Variants in MCCC2 observed in about 807,000 individuals in gnomAD.
MCCC2 encodes methylcrotonoyl-CoA carboxylase beta chain, mitochondrial.
A neutral mutation model predicts 77.2 loss-of-function variants in MCCC2; 52 were observed. That is an observed-to-expected ratio of 0.67 (90% CI 0.54 to 0.85). The LOEUF (loss-of-function observed/expected upper bound fraction) is 0.85. Ranked by LOEUF, MCCC2 falls within the 40% of genes least tolerant of loss-of-function variation. MCCC2 has a pLI of 0.00. For missense variants in MCCC2, 682 were observed against 703.2 expected, an observed-to-expected ratio of 0.97 and a Z score of 0.34; for synonymous variants, 253 against 248.4, an observed-to-expected ratio of 1.02 and a Z score of -0.18.
In MCCC2 at chr5:71,643,865, C is replaced by T. The variant is rs766440020; in HGVS notation, c.1119C>T (p.Asn373=). ...ACCCAGTAGGTATCGTTGGAAACAA[C>T]GGAGTTCTCTTTTCTGAATCTGCAA... The part of the protein sequence containing the change: ...FGYPVGIVGN[N]GVLFSESAKK... The change falls in exon 12 of 17, where the codon AAC becomes AAT. Residue 373 remains asparagine (N), a synonymous_variant. Coordinates refer to ENST00000340941, the MANE Select transcript of MCCC2 (RefSeq NM_022132.5). 29 of 1,614,034 alleles carry T rather than the reference C, an allele frequency of 1.8e-5. No individual in the cohort carries two copies. The highest frequency in any genetic ancestry group is 1.3e-4 in the East Asian group (6 of 44,850).
intron 6 of MCCC2, among the ~76,000 whole-genome samples, chr5:71,606,158 C>A (rs1218784529): frequency 6.6e-6 from 1 of 151,500 alleles, no homozygotes; most frequent in African/African-American, 2.4e-5. Context: ...CTGTAAATTA[C>A]CTTGGGCAGT....
chr5:71,616,308 T>G (rs1235242021), intron 6 of MCCC2, among the ~76,000 whole-genome samples: 2 of 152,216 alleles, frequency 1.3e-5, no homozygotes, highest in Non-Finnish European at 2.9e-5. Flanking sequence ...CAGCCCTGAT[T>G]TACAGTCAAT....
At chr5:71,619,148 C>T (rs1746282439) in intron 6 of MCCC2, among the ~76,000 whole-genome samples, 1 of 152,196 alleles carries the variant, frequency 6.6e-6, no homozygotes, top group South Asian at 2.1e-4. Context: ...CTCCTCCCCG[C>T]TTGCCTTAGC....
intron 7 of MCCC2, among the ~76,000 whole-genome samples, chr5:71,628,060 T>C (rs912199081): frequency 6.6e-6 from 1 of 152,068 alleles, no homozygotes; most frequent in African/African-American, 2.4e-5. Context: ...GCCAGGCTGG[T>C]TTTGAACTCC....
rs571108682 is a variant in MCCC2, at chr5:71,641,152, G to C, written c.1072+77G>C. 9.9e-6 allele frequency: 13 copies of C among 1,310,028 alleles called. No individual in the cohort carries two copies. The African/African-American group carries it at 1.9e-4, about 19-fold the overall frequency. 81.2% of individuals were successfully genotyped at this position (1,310,028 alleles called of 1,614,324 possible). On this transcript the variant is annotated intron_variant, in intron 11 of 16. Coordinates refer to ENST00000340941, the MANE Select transcript of MCCC2 (RefSeq NM_022132.5). Reference sequence around the variant, plus strand: ...CAGGAATCTCTTGTTTCAAGACTTTGATACACTTGACATGGGCTTTGTTGT... The same window carrying C: ...CAGGAATCTCTTGTTTCAAGACTTTCATACACTTGACATGGGCTTTGTTGT...
chr5:71,612,988 G>T (rs1746019459), intron 6 of MCCC2, among the ~76,000 whole-genome samples: 1 of 152,176 alleles, frequency 6.6e-6, no homozygotes, highest in Non-Finnish European at 1.5e-5. Flanking sequence ...GCCTCTTCCA[G>T]CTCCTGGTGG....
intron 8 of MCCC2, among the ~76,000 whole-genome samples, 160 bp downstream of exon 8, chr5:71,632,345 T>C (rs1746748898): frequency 6.6e-6 from 1 of 152,194 alleles, no homozygotes; most frequent in Non-Finnish European, 1.5e-5. Flanking sequence ...CTTTGAACTG[T>C]AGAGTTGCAT....
chr5:71,609,277 T>A (rs535261079), intron 6 of MCCC2, among the ~76,000 whole-genome samples: 3 of 150,592 alleles, frequency 2.0e-5, no homozygotes, highest in Non-Finnish European at 4.5e-5. Context: ...CTTTTTATTC[T>A]TTTTTCTCTA....
chr5:71,622,378 G>T (rs1250023970), intron 6 of MCCC2, among the ~76,000 whole-genome samples: 1 of 151,812 alleles, frequency 6.6e-6, no homozygotes, highest in East Asian at 1.9e-4. Context: ...ATACTTGTTT[G>T]AGAATTTTGA....
At chr5:71,644,068 T>C (rs541240099) in intron 12 of MCCC2, among the ~76,000 whole-genome samples, 173 bp downstream of exon 12, 3 of 135,448 alleles carry the variant, frequency 2.2e-5, no homozygotes, top group African/African-American at 1.1e-4. Context: ...TGTGTGTGTG[T>C]GTGCGCGCGT....
chr5:71,653,610 G>A (rs1361074668), intron 16 of MCCC2, among the ~76,000 whole-genome samples: 1 of 152,146 alleles, frequency 6.6e-6, no homozygotes, highest in Non-Finnish European at 1.5e-5. Flanking sequence ...AGCATTTTGA[G>A]AGGCCAGGGC....
At chr5:71,632,061 G>T (rs1746735174) in intron 7 of MCCC2, 60 bp from the exon 8 acceptor site, 1 of 1,449,944 alleles carries the variant, frequency 6.9e-7, no homozygotes, top group Non-Finnish European at 9.7e-7. Flanking sequence ...TGCATGTTGG[G>T]GAAGCATTTT....
chr5:71,649,771 T>C (rs1057508377), intron 14 of MCCC2, among the ~76,000 whole-genome samples: 3 of 152,168 alleles, frequency 2.0e-5, no homozygotes, highest in African/African-American at 7.2e-5. Flanking sequence ...AGACAGCACA[T>C]ATAACCACTA....
chr5:71,635,112 A>G lies in MCCC2; in HGVS notation c.904-39A>G, dbSNP rs1429170915. On this transcript the variant is annotated intron_variant, in intron 9 of 16. Coordinates refer to ENST00000340941, the MANE Select transcript of MCCC2 (RefSeq NM_022132.5). ...TTTTGACTCACTGCACCTTGAAATC[A>G]TGTCTTTAAACAGGTTAACATGATC... is the stretch of plus-strand genomic sequence containing the variant. The G allele has an allele frequency of 5.0e-6, 8 of 1,613,280 alleles. No individual in the cohort carries two copies. In the Admixed American group the frequency reaches 1.0e-4, roughly 20 times the overall value.
chr5:71,637,987 C>T (rs946721118), intron 10 of MCCC2, among the ~76,000 whole-genome samples: 3 of 152,184 alleles, frequency 2.0e-5, no homozygotes, highest in African/African-American at 4.8e-5. Flanking sequence ...GCTGGGATTA[C>T]AGGCATCACC....
Position 71,626,747 on chromosome 5 carries a change from C to A in MCCC2, c.732C>A (p.Pro244=). The A allele has an allele frequency of 6.2e-7, 1 of 1,613,654 alleles. No individual in the cohort carries two copies. Among genetic ancestry groups the A allele is most frequent in the Non-Finnish European group, 8.5e-7 (1 of 1,179,774 alleles). Residue 244 remains proline (P), a synonymous_variant, in exon 7 of 17, where the codon CCC becomes CCA. Coordinates refer to ENST00000340941, the MANE Select transcript of MCCC2 (RefSeq NM_022132.5). ...AGGGTACCATTTTCTTGGCAGGACCCCCCTTGGTAAGAACATAAGAACGTT... is the reference window on the plus strand; with the variant it reads ...AGGGTACCATTTTCTTGGCAGGACCACCCTTGGTAAGAACATAAGAACGTT... ...RKQGTIFLAG[P]PLVKAATGEE...
chr5:71,649,230 T>C lies in MCCC2; in HGVS notation c.1350T>C (p.Tyr450=). 6.2e-7 allele frequency: 1 copy of C among 1,614,146 alleles called. No individual in the cohort carries two copies. The highest frequency in any genetic ancestry group is 8.5e-7 in the Non-Finnish European group (1 of 1,179,996). The change falls in exon 14 of 17, where the codon TAT becomes TAC. Residue 450 remains tyrosine (Y), a synonymous_variant. Transcript: ENST00000340941. ...GGGGCTCCTATGGAGCCGGAAACTA[T>C]GGGATGTGTGGCAGAGCATATAGGT... ...IIGGSYGAGN[Y]GMCGRAYSPR...
At chr5:71,631,676 G>A (rs13163829) in intron 7 of MCCC2, among the ~76,000 whole-genome samples, 3 of 151,958 alleles carry the variant, frequency 2.0e-5, no homozygotes, top group Non-Finnish European at 2.9e-5. Context: ...GAGTAGCTGG[G>A]ACTACAGGCG....
intron 10 of MCCC2, 25 bp downstream of exon 10, chr5:71,635,271 T>A: frequency 6.3e-7 from 1 of 1,593,564 alleles, no homozygotes; most frequent in Non-Finnish European, 8.6e-7. Context: ...AACTGTGAGC[T>A]TTATGACCAG....
Sources: allele counts gnomAD v4.1 joint callset (sites outside exome capture counted in the v4.1 genomes callset), GRCh38; gene constraint gnomAD v4.1.1; transcripts MANE v1.5; gene names NCBI Gene and HGNC (gene_info 2026-07-23, HGNC 2026-07-21).